Variants in CHRNB1 observed in about 807,000 individuals in gnomAD.
CHRNB1 encodes acetylcholine receptor subunit beta.
Under a neutral mutation model 53.8 loss-of-function variants are expected in CHRNB1, and 47 were observed. The observed-to-expected ratio is 0.87, with a 90% CI of 0.69 to 1.11. The LOEUF (loss-of-function observed/expected upper bound fraction) is 1.11. CHRNB1 is among the 50% of genes most tolerant of loss of function. The pLI is 0.00. For missense variants in CHRNB1, 605 were observed against 654.9 expected (o/e 0.92, Z 0.83); for synonymous variants, 259 against 263.5 (o/e 0.98, Z 0.16).
At chr17:7,446,335 G>GTGTGTC (rs1908623159) in intron 3 of CHRNB1, 14 of 236,560 alleles carry the variant, frequency 5.9e-5, no homozygotes, top group African/African-American at 2.5e-4. Context: ...GTCTGTGTGT[G>GTGTGTC]TGTGTGTGTG....
chr17:7,447,251 C>A, intron 5 of CHRNB1, 100 bp downstream of exon 5: 1 of 1,045,358 alleles, frequency 9.6e-7, no homozygotes, highest in East Asian at 2.5e-5. Context: ...CATCCTTCCC[C>A]CATTATCTAA....
chr17:7,446,012 C>A (rs769150758), intron 2 of CHRNB1, 57 bp from the exon 3 acceptor site: 4 of 1,518,044 alleles, frequency 2.6e-6, no homozygotes, highest in Non-Finnish European at 3.7e-6. Context: ...GCCCCCCGAG[C>A]CCCCTCATTT....
chr17:7,447,590 G>T lies in CHRNB1; in HGVS notation c.550G>T (p.Gly184Cys). The T allele has an allele frequency of 6.2e-7, 1 of 1,614,228 alleles. No homozygotes were observed. The highest frequency in any genetic ancestry group is 2.2e-5 in the East Asian group (1 of 44,894). Residue 184 changes from glycine (G) to cysteine (C), a missense_variant, in exon 6 of 11, where the codon GGC becomes TGC. Physicochemically the swap from Gly to Cys is radical, Grantham distance 159 (BLOSUM62 -3). Coordinates refer to ENST00000306071, the MANE Select transcript of CHRNB1 (RefSeq NM_000747.3). Reference sequence around the variant, plus strand: ...CAGCTCGGAGGTCAGCCTGCAGACAGGCCTGGGTCCTGACGGGCAAGGGCA... The same window carrying T: ...CAGCTCGGAGGTCAGCCTGCAGACATGCCTGGGTCCTGACGGGCAAGGGCA... The part of the protein sequence containing the change: ...YDSSEVSLQT[G>C]LGPDGQGHQE...
intron 5 of CHRNB1, 74 bp from the exon 6 acceptor site, chr17:7,447,429 C>G (rs1005338765): frequency 1.3e-6 from 2 of 1,569,050 alleles, no homozygotes; most frequent in African/African-American, 2.7e-5. Context: ...TCTGTGCCCT[C>G]CCCAAAGACC....
intron 7 of CHRNB1, among the ~76,000 whole-genome samples, chr17:7,451,437 T>C (rs1908886281): frequency 6.6e-6 from 1 of 151,874 alleles, no homozygotes; most frequent in African/African-American, 2.4e-5. Context: ...TGAGCCACCA[T>C]GCCTGAGTAA....
At chr17:7,455,657 T>A in intron 9 of CHRNB1, 137 bp from the exon 10 acceptor site, 1 of 1,315,402 alleles carries the variant, frequency 7.6e-7, no homozygotes, top group South Asian at 1.2e-5. Flanking sequence ...GCTAGAGAGA[T>A]CACTGCTGGA....
intron 7 of CHRNB1, among the ~76,000 whole-genome samples, chr17:7,451,265 TTTTCTTTTC>T (rs940976701): frequency 2.9e-5 from 4 of 138,764 alleles, no homozygotes; most frequent in South Asian, 2.4e-4. Flanking sequence ...TTTTCTTTTC[TTTTCTTTTC>T]TTTTTTTTTT....
intron 7 of CHRNB1, among the ~76,000 whole-genome samples, chr17:7,453,479 G>T (rs1241329874): frequency 1.3e-5 from 2 of 151,868 alleles, no homozygotes; most frequent in Non-Finnish European, 2.9e-5. Context: ...AAGAGAGGTT[G>T]AGTAGGCAGA....
At chr17:7,456,349 C>T (rs895216550) in intron 10 of CHRNB1, among the ~76,000 whole-genome samples, 1 of 152,080 alleles carries the variant, frequency 6.6e-6, no homozygotes, top group Non-Finnish European at 1.5e-5. Flanking sequence ...CCACCGCGCC[C>T]GGCCTCGCTT....
intron 7 of CHRNB1, among the ~76,000 whole-genome samples, chr17:7,452,588 C>T (rs913992985): frequency 2.6e-5 from 4 of 152,184 alleles, no homozygotes; most frequent in East Asian, 1.9e-4. Context: ...GACATACTCA[C>T]GAGTGTGCCA....
intron 5 of CHRNB1, 128 bp from the exon 6 acceptor site, chr17:7,447,375 T>A: frequency 8.7e-7 from 1 of 1,151,042 alleles, no homozygotes; most frequent in Non-Finnish European, 1.3e-6. Flanking sequence ...CCCCCATTAA[T>A]GGCTTCCCTT....
chr17:7,448,539 G>C, intron 6 of CHRNB1, 40 bp from the exon 7 acceptor site: 2 of 1,602,298 alleles, frequency 1.2e-6, no homozygotes, highest in Non-Finnish European at 1.7e-6. Flanking sequence ...AACCAGGACA[G>C]CTCTCACATC....
In CHRNB1 at chr17:7,447,667, C is replaced by G. The variant is rs768430804; in HGVS notation, c.610+17C>G. ...CTTTCATTGGTGAGTAGGCATGGCTCCTACATCCATGGGCTCTATCATTTC... is the reference window on the plus strand; with the variant it reads ...CTTTCATTGGTGAGTAGGCATGGCTGCTACATCCATGGGCTCTATCATTTC... On this transcript the variant is annotated intron_variant, in intron 6 of 10. Transcript: ENST00000306071. 1 of 1,614,056 alleles carries G rather than the reference C, an allele frequency of 6.2e-7. No homozygotes were observed. Among genetic ancestry groups the G allele is most frequent in the Non-Finnish European group, 8.5e-7 (1 of 1,179,956 alleles).
intron 7 of CHRNB1, among the ~76,000 whole-genome samples, chr17:7,451,285 T>G (rs1207024052): frequency 1.4e-5 from 2 of 141,688 alleles, no homozygotes; most frequent in Non-Finnish European, 3.1e-5. Flanking sequence ...TTTTTTTTTT[T>G]TTTTTTTTTG....
In CHRNB1 at chr17:7,454,351, T is replaced by C. The variant is rs1310657626; in HGVS notation, c.875T>C (p.Leu292Pro). The C allele has an allele frequency of 6.2e-7, 1 of 1,614,220 alleles. No individual in the cohort carries two copies. The highest frequency in any genetic ancestry group is 1.1e-5 in the South Asian group (1 of 91,088). ...FALLTLTVFL[L>P]LLADKVPETS... ...CTGCTGACCCTTACTGTGTTCCTGC[T>C]GCTGCTGGCTGACAAAGTACCTGAG... The change falls in exon 8 of 11, where the codon CTG becomes CCG. Residue 292 changes from leucine (L) to proline (P), a missense_variant. By Grantham distance (98) the Leu-to-Pro change is moderately conservative. Transcript: ENST00000306071.
At position 7,445,418 on chromosome 17, in the gene CHRNB1, G is replaced by A; in HGVS notation, c.198+9G>A. 1 of 1,610,314 alleles carries A rather than the reference G, an allele frequency of 6.2e-7. No homozygotes were observed. Among genetic ancestry groups the A allele is most frequent in the East Asian group, 2.2e-5 (1 of 44,832 alleles). On this transcript the variant is annotated intron_variant, in intron 2 of 10. Coordinates refer to ENST00000306071, the MANE Select transcript of CHRNB1 (RefSeq NM_000747.3). The surrounding 1 kb of genome is among the most constrained non-coding windows in gnomAD (Gnocchi z 5.7). ...CGCAACTCATCAGCCTGGTGAGGGC[G>A]CGCGGGGGGTGGAGGTCAGGCCAGC...
In CHRNB1 at chr17:7,456,791, T is replaced by A. The variant is rs2302764; in HGVS notation, c.*68T>A. On this transcript the variant is annotated 3_prime_UTR_variant, in exon 11 of 11. Transcript: ENST00000306071. ...AGAGTTTGGTGATACTGTCAAGCCC[T>A]ATCCTTCTCTGCCTCTTAACTCCTT... 6.3e-7 allele frequency: 1 copy of A among 1,594,868 alleles called. No homozygotes were observed. The highest frequency in any genetic ancestry group is 8.6e-7 in the Non-Finnish European group (1 of 1,164,026).
intron 7 of CHRNB1, among the ~76,000 whole-genome samples, chr17:7,453,187 G>A (rs910140575): frequency 6.6e-6 from 1 of 152,068 alleles, no homozygotes; most frequent in African/African-American, 2.4e-5. Context: ...GCACGATCTC[G>A]ACTCACTGCA....
rs1252450476 is a variant in CHRNB1 at position 7,445,477 on chromosome 17, G to C, written c.198+68G>C. 6.3e-7 allele frequency: 1 copy of C among 1,581,506 alleles called. No homozygotes were observed. The highest frequency in any genetic ancestry group is 8.6e-7 in the Non-Finnish European group (1 of 1,167,860). The stretch of plus-strand genomic sequence containing the variant: ...CGGGGGCGTGGCTTTAGGCAAGGCC[G>C]GACCAGGGACAGGCTGGGGGCGGGG... On this transcript the variant is annotated intron_variant, in intron 2 of 10. Transcript: ENST00000306071. The surrounding 1 kb of genome is among the most constrained non-coding windows in gnomAD (Gnocchi z 5.7).
Sources: gnomAD v4.1 joint callset for allele counts (sites outside exome capture counted in the v4.1 genomes callset) on GRCh38, gnomAD v4.1.1 for gene constraint, Gnocchi (gnomAD v3.1) non-coding constraint, MANE v1.5 for transcripts, NCBI Gene and HGNC (gene_info 2026-07-23, HGNC 2026-07-21) for gene names.